Variants in MAMLD1 observed in about 807,000 individuals in gnomAD.
MAMLD1 encodes mastermind like domain containing 1.
Under a neutral mutation model 45.0 loss-of-function variants are expected in MAMLD1, and 14 were observed. The observed-to-expected ratio is 0.31, with a 90% CI of 0.21 to 0.49. The LOEUF (loss-of-function observed/expected upper bound fraction) is 0.49, where lower values mean the gene tolerates loss of function less well. Ranked by LOEUF, MAMLD1 falls within the 20% of genes least tolerant of loss-of-function variation. MAMLD1 has a pLI of 0.99. For synonymous variants in MAMLD1, 254 were observed against 247.8 expected, an observed-to-expected ratio of 1.02 and a Z score of -0.24; for missense variants, 543 against 603.6, an observed-to-expected ratio of 0.90 and a Z score of 1.05.
At chrX:150,440,014 T>C (rs1180567528) in intron 1 of MAMLD1, among the ~76,000 whole-genome samples, 1 of 112,014 alleles carries the variant, frequency 8.9e-6, no homozygotes, top group African/African-American at 3.2e-5. Context: ...TCTATACTTA[T>C]ACCAGTGCTA....
intron 1 of MAMLD1, among the ~76,000 whole-genome samples, chrX:150,400,514 G>T (rs2124515977): frequency 8.9e-6 from 1 of 111,966 alleles, no homozygotes; most frequent in Admixed American, 9.4e-5. Context: ...AGTGGTGAGA[G>T]AAGGCATCCC....
At chrX:150,397,232 G>A (rs782685266) in intron 1 of MAMLD1, among the ~76,000 whole-genome samples, 2 of 111,461 alleles carry the variant, frequency 1.8e-5, no homozygotes, top group Non-Finnish European at 1.9e-5. Flanking sequence ...ATGGAATTTA[G>A]TATCAAATTG....
intron 5 of MAMLD1, among the ~76,000 whole-genome samples, chrX:150,496,346 T>A (rs1378787569): frequency 8.9e-6 from 1 of 112,840 alleles, no homozygotes; most frequent in Admixed American, 9.3e-5. Flanking sequence ...CTCTGCCAGT[T>A]ACATATGGTG....
chrX:150,410,296 C>T (rs1273434232), intron 1 of MAMLD1, among the ~76,000 whole-genome samples: 5 of 112,293 alleles, frequency 4.5e-5, no homozygotes, highest in African/African-American at 1.6e-4. Context: ...TGCTACCCAA[C>T]TGCATTTGCA....
At chrX:150,434,695 T>C (rs782608510) in intron 1 of MAMLD1, among the ~76,000 whole-genome samples, 1 of 112,491 alleles carries the variant, frequency 8.9e-6, no homozygotes, top group South Asian at 3.6e-4. Flanking sequence ...GAGGACGTTG[T>C]TTAATTTCCA....
At chrX:150,376,438 TATC>T (rs2032318580) in intron 1 of MAMLD1, among the ~76,000 whole-genome samples, 1 of 110,740 alleles carries the variant, frequency 9.0e-6, no homozygotes, top group East Asian at 2.8e-4. Flanking sequence ...TGAAGAAAAA[TATC>T]ATGCTTGCCC....
At position 150,503,971 on chromosome X, in the gene MAMLD1, C is replaced by T. The variant is rs782192398; in HGVS notation, c.2284+454C>T. 8 of 666,284 alleles carry T rather than the reference C, an allele frequency of 1.2e-5. No homozygotes were observed. In the East Asian group the frequency reaches 9.7e-4, roughly 81 times the overall value. The allele number at this position is 666,284 out of a possible 1,213,427, so 54.9% of individuals were successfully genotyped here. On this transcript the variant is annotated intron_variant, in intron 6 of 7. Coordinates refer to ENST00000370401, the MANE Select transcript of MAMLD1 (RefSeq NM_005491.5). ...GCCTGCTTGGCACCTAGTGGGTGCT[C>T]GGGAACTGCCTCTCCTGCCAGCCAT... is the stretch of plus-strand genomic sequence containing the variant.
intron 1 of MAMLD1, among the ~76,000 whole-genome samples, chrX:150,368,702 A>T (rs1372828611): frequency 8.9e-6 from 1 of 112,055 alleles, no homozygotes. Context: ...TAGGTCTCAC[A>T]TTTAAGTCTT....
chrX:150,370,862 G>A (rs1021806373), intron 1 of MAMLD1, among the ~76,000 whole-genome samples: 4 of 112,090 alleles, frequency 3.6e-5, no homozygotes, highest in Non-Finnish European at 5.6e-5. Flanking sequence ...GGCCTCCCTG[G>A]CTGTAGGCAC....
intron 1 of MAMLD1, among the ~76,000 whole-genome samples, chrX:150,434,292 C>CT (rs1244299031): frequency 9.0e-6 from 1 of 110,819 alleles, no homozygotes; most frequent in Admixed American, 9.6e-5. Flanking sequence ...GATCCTCTCT[C>CT]TTTTTTTCTT....
intron 5 of MAMLD1, among the ~76,000 whole-genome samples, chrX:150,481,964 A>AAAAGAAAGAAAGAAAGAAAGAAAG (rs57124938): frequency 3.5e-5 from 2 of 56,589 alleles, no homozygotes; most frequent in African/African-American, 7.1e-5. Flanking sequence ...AAAGAAAGAA[A>AAAAGAAAGAAAGAAAGAAAGAAAG]AAAGAAAGAA....
chrX:150,491,842 G>A (rs1569565017), intron 5 of MAMLD1, among the ~76,000 whole-genome samples: 1 of 112,291 alleles, frequency 8.9e-6, no homozygotes, highest in Non-Finnish European at 1.9e-5. Context: ...ACCCAGAAAA[G>A]AGAGTTACCT....
intron 5 of MAMLD1, among the ~76,000 whole-genome samples, chrX:150,494,606 T>C (rs987297979): frequency 5.5e-5 from 6 of 108,957 alleles, no homozygotes; most frequent in African/African-American, 2.0e-4. Context: ...CGGGGCCGGG[T>C]ACGGTGGCTT....
At chrX:150,423,927 T>C (rs1373737146) in intron 1 of MAMLD1, among the ~76,000 whole-genome samples, 1 of 112,594 alleles carries the variant, frequency 8.9e-6, no homozygotes, top group Non-Finnish European at 1.9e-5. Flanking sequence ...GTTCAACTTT[T>C]CTTTTTCAAG....
At position 150,471,052 on chromosome X, in the gene MAMLD1, A is replaced by ACAGCAGCAGCAGCAG; in HGVS notation, c.1491_1505dup (p.Gln498_Gln502dup). The ACAGCAGCAGCAGCAG allele has an allele frequency of 8.3e-7, 1 of 1,209,462 alleles. No homozygotes were observed. The highest frequency in any genetic ancestry group is 1.1e-6 in the Non-Finnish European group (1 of 894,582). On this transcript the variant is annotated inframe_insertion, in exon 4 of 8. Coordinates refer to ENST00000370401, the MANE Select transcript of MAMLD1 (RefSeq NM_005491.5). Reference sequence around the variant, plus strand: ...CCACCAGTAATCTTCTAAGCCAGCAACAGCAGCAGCAGCAGCAGCAGCAGC... The same window carrying ACAGCAGCAGCAGCAG: ...CCACCAGTAATCTTCTAAGCCAGCAACAGCAGCAGCAGCAGCAGCAGCAGCAGCAGCAGCAGCAGC...
At chrX:150,476,830 G>A (rs2148311771) in intron 5 of MAMLD1, among the ~76,000 whole-genome samples, 1 of 113,257 alleles carries the variant, frequency 8.8e-6, no homozygotes, top group South Asian at 3.6e-4. Context: ...AGGCAGTCGT[G>A]AGCACCAGGC....
intron 1 of MAMLD1, among the ~76,000 whole-genome samples, chrX:150,429,926 T>A (rs190202768): frequency 9.0e-6 from 1 of 110,818 alleles, no homozygotes; most frequent in Non-Finnish European, 1.9e-5. Context: ...CGTCTTTGCA[T>A]GTGTTTACTT....
intron 5 of MAMLD1, among the ~76,000 whole-genome samples, chrX:150,494,831 C>T (rs897171071): frequency 9.0e-6 from 1 of 111,328 alleles, no homozygotes; most frequent in Non-Finnish European, 1.9e-5. Context: ...TTTCAGTGAG[C>T]CGTGATTGCA....
intron 5 of MAMLD1, among the ~76,000 whole-genome samples, chrX:150,489,188 G>A (rs2037093698): frequency 8.9e-6 from 1 of 111,901 alleles, no homozygotes; most frequent in African/African-American, 3.3e-5. Context: ...GTGGCTCACT[G>A]TCTTAGTCAG....
Sources: gnomAD v4.1 joint callset for allele counts (sites outside exome capture counted in the v4.1 genomes callset) on GRCh38, gnomAD v4.1.1 for gene constraint, MANE v1.5 for transcripts, NCBI Gene and HGNC (gene_info 2026-07-23, HGNC 2026-07-21) for gene names.